ZNF487: variants seen among roughly 807,000 people sequenced by gnomAD.
ZNF487 encodes zinc finger protein 487.
A neutral mutation model predicts 3.0 loss-of-function variants in ZNF487; 4 were observed. The ratio of observed to expected loss-of-function variants is 1.35; its 90% CI spans 0.66 to 3.08. The LOEUF (loss-of-function observed/expected upper bound fraction) is 3.08. Among genes scored for constraint, ZNF487 ranks in the 30% most tolerant of loss-of-function variants. The probability of loss-of-function intolerance (pLI) is 0.01; values close to 1 mark genes in which losing one functional copy is unlikely to be tolerated. For synonymous variants in ZNF487, 55 were observed against 34.6 expected (o/e 1.59, Z -2.06); for missense variants, 146 against 98.7 (o/e 1.48, Z -2.03).
chr10:43,454,872 G>A (rs61859056), intron 1 of ZNF487, among the ~76,000 whole-genome samples: 4,146 of 147,476 alleles, frequency 0.028, 87 homozygotes, highest in South Asian at 0.041. Context: ...TCCTATCACT[G>A]CTGTGCAGTG....
intron 1 of ZNF487, among the ~76,000 whole-genome samples, chr10:43,446,588 C>T (rs1839814404): frequency 6.6e-6 from 1 of 151,516 alleles, no homozygotes; most frequent in Admixed American, 6.6e-5. Flanking sequence ...CTCCTCACAT[C>T]CCAGACAGGG....
chr10:43,501,629 A>G, the ZNF487 span, among the ~76,000 whole-genome samples: 1 of 152,016 alleles, frequency 6.6e-6, no homozygotes, highest in Admixed American at 6.6e-5. Flanking sequence ...AGTCCCAGCT[A>G]CTTGGGAGGC....
At chr10:43,487,727 C>T (rs1841482201), downstream of ZNF487, among the ~76,000 whole-genome samples, 1 of 151,902 alleles carries the variant, frequency 6.6e-6, no homozygotes, top group Non-Finnish European at 1.5e-5. Flanking sequence ...ACTGGGATTA[C>T]AGGCGTGAGT....
chr10:43,481,346 A>G (rs949047768), intron 3 of ZNF487, 83 bp from the exon 4 acceptor site: 1 of 633,076 alleles, frequency 1.6e-6, no homozygotes. Flanking sequence ...AAAAAAAAGA[A>G]AAAAAAAGCA....
downstream of ZNF487, among the ~76,000 whole-genome samples, chr10:43,485,023 G>A (rs927635277): frequency 2.6e-5 from 4 of 152,264 alleles, no homozygotes; most frequent in East Asian, 5.8e-4. Context: ...TGTTCAAATG[G>A]TCTCTTCTGT....
chr10:43,475,982 G>T, intron 2 of ZNF487, 125 bp from the exon 3 acceptor site: 1 of 664,678 alleles, frequency 1.5e-6, no homozygotes, highest in Admixed American at 2.3e-5. Flanking sequence ...TCCCTTCTGG[G>T]CACTGTAAAG....
chr10:43,453,426 C>G (rs577504740), intron 1 of ZNF487: 1 of 152,280 alleles, frequency 6.6e-6, no homozygotes, highest in South Asian at 2.1e-4. Context: ...ATCCTGGCAG[C>G]ACTGAGATTT....
chr10:43,469,633 A>G (rs1018646221), intron 1 of ZNF487, among the ~76,000 whole-genome samples: 1 of 152,098 alleles, frequency 6.6e-6, no homozygotes, highest in Non-Finnish European at 1.5e-5. Context: ...GAACCAATGT[A>G]CTTGGCCTGC....
At chr10:43,455,409 C>G (rs188114450) in intron 1 of ZNF487, among the ~76,000 whole-genome samples, 1 of 152,230 alleles carries the variant, frequency 6.6e-6, no homozygotes, top group Admixed American at 6.5e-5. Flanking sequence ...GACTACCAAC[C>G]ACCACATCAC....
chr10:43,520,816 T>C, the ZNF487 span, among the ~76,000 whole-genome samples: 15 of 152,310 alleles, frequency 9.8e-5, no homozygotes, highest in African/African-American at 3.4e-4. Context: ...TGGTTGGGGA[T>C]GAGCAATTAT....
chr10:43,496,961 T>G, the ZNF487 span, among the ~76,000 whole-genome samples: 1 of 152,194 alleles, frequency 6.6e-6, no homozygotes, highest in Non-Finnish European at 1.5e-5. Context: ...GAATAATCGG[T>G]CTGTTTTCCT....
downstream of ZNF487, among the ~76,000 whole-genome samples, chr10:43,486,637 A>G (rs1201379312): frequency 6.6e-6 from 1 of 152,194 alleles, no homozygotes; most frequent in Non-Finnish European, 1.5e-5. Context: ...TTTATATCAA[A>G]GTGGAACTTG....
intron 1 of ZNF487, among the ~76,000 whole-genome samples, chr10:43,471,189 A>G (rs775629895): frequency 2.1e-4 from 32 of 151,990 alleles, no homozygotes; most frequent in Non-Finnish European, 3.8e-4. Context: ...TACTCGGCCC[A>G]TTGCGCTCAA....
At chr10:43,454,937 C>CAAA (rs58217923) in intron 1 of ZNF487, among the ~76,000 whole-genome samples, 2,332 of 85,244 alleles carry the variant, frequency 0.027, 68 homozygotes, top group Non-Finnish European at 0.039. Context: ...GACCTTGTCT[C>CAAA]AAAAAAAAAA....
chr10:43,475,540 G>A (rs543779998), intron 1 of ZNF487, among the ~76,000 whole-genome samples, 181 bp from the exon 2 acceptor site: 1 of 152,016 alleles, frequency 6.6e-6, no homozygotes, highest in South Asian at 2.1e-4. Context: ...TAATATACCG[G>A]CAGAGTCCTC....
the ZNF487 span, among the ~76,000 whole-genome samples, chr10:43,492,704 C>T: frequency 2.6e-5 from 4 of 152,128 alleles, no homozygotes; most frequent in Admixed American, 6.6e-5. Flanking sequence ...CCGCCGGCCT[C>T]GGCCTCCCAA....
intron 1 of ZNF487, among the ~76,000 whole-genome samples, chr10:43,456,140 C>T (rs1840192330): frequency 1.3e-5 from 2 of 152,324 alleles, no homozygotes; most frequent in African/African-American, 2.4e-5. Context: ...CCAGTGTGTC[C>T]TCAGTCGTCT....
the ZNF487 span, among the ~76,000 whole-genome samples, chr10:43,506,586 C>A: frequency 6.6e-6 from 1 of 152,146 alleles, no homozygotes; most frequent in African/African-American, 2.4e-5. Context: ...TTCCTGCCAG[C>A]TCTCAGAATT....
At position 43,439,247 on chromosome 10, in the gene ZNF487, A is replaced by G. The variant is rs1839490627; in HGVS notation, c.-94+1985A>G. Reference sequence around the variant, plus strand: ...ACAGAACGAGATTCCGTCTCAAAAAAAAATCAGCTGGGCATTGTGGCATGT... The same window carrying G: ...ACAGAACGAGATTCCGTCTCAAAAAGAAATCAGCTGGGCATTGTGGCATGT... On this transcript the variant is annotated intron_variant, in intron 1 of 3. Coordinates refer to ENST00000437590, the MANE Select transcript of ZNF487 (RefSeq NM_001355444.3). 2.6e-5 allele frequency among the ~76,000 whole-genome samples: 4 copies of G among 151,498 alleles called. 1 individual carries two copies. In the South Asian group the frequency reaches 8.4e-4, roughly 32 times the overall value.
Sources: allele counts gnomAD v4.1 joint callset (sites outside exome capture counted in the v4.1 genomes callset), GRCh38; gene constraint gnomAD v4.1.1; transcripts MANE v1.5; gene names NCBI Gene and HGNC (gene_info 2026-07-23, HGNC 2026-07-21).